EPHA7: variants seen among roughly 807,000 people sequenced by gnomAD.
EPHA7 encodes the protein EPH receptor A7, also known as ephrin type-A receptor 7.
EPHA7 carries 25 observed loss-of-function variants against 112.6 expected under a neutral mutation model. The observed-to-expected ratio is 0.22, with a 90% CI of 0.16 to 0.31. The LOEUF (loss-of-function observed/expected upper bound fraction) is 0.31, where lower values mean the gene tolerates loss of function less well. EPHA7 is among the 10% of genes least tolerant of loss of function. EPHA7 has a pLI of 1.00. For missense variants in EPHA7, 962 were observed against 1,212.6 expected, an observed-to-expected ratio of 0.79 and a Z score of 3.07; for synonymous variants, 437 against 406.5, an observed-to-expected ratio of 1.07 and a Z score of -0.90.
chr6:93,254,801 T>C lies in EPHA7; in HGVS notation c.2383-5A>G, dbSNP rs771276751. On this transcript the variant is annotated splice_region_variant and splice_polypyrimidine_tract_variant and intron_variant, in intron 13 of 16. Transcript: ENST00000369303. ...CCTTACTGGAATTTTTCCACCCTGT[T>C]ATAAAAAGAAATGAACATTTTAAAT... is the stretch of plus-strand genomic sequence containing the variant. 6 of 1,608,912 alleles carry C rather than the reference T, an allele frequency of 3.7e-6. No individual in the cohort carries two copies. Among genetic ancestry groups the C allele is most frequent in the Non-Finnish European group, 5.1e-6 (6 of 1,177,382 alleles).
chr6:93,262,267 C>T (rs374538659), intron 9 of EPHA7, among the ~76,000 whole-genome samples: 2 of 151,476 alleles, frequency 1.3e-5, no homozygotes, highest in African/African-American at 4.8e-5. Context: ...TCTCTATTTC[C>T]TCTAGCTATA....
chr6:93,361,525 T>C (rs1210673141), intron 3 of EPHA7, among the ~76,000 whole-genome samples: 1 of 152,014 alleles, frequency 6.6e-6, no homozygotes, highest in African/African-American at 2.4e-5. Context: ...TAAAGCAGGG[T>C]AAAGTGGCAT....
At chr6:93,279,803 G>A (rs1198212581) in intron 5 of EPHA7, among the ~76,000 whole-genome samples, 2 of 152,076 alleles carry the variant, frequency 1.3e-5, no homozygotes, top group African/African-American at 4.8e-5. Context: ...GATGAAAGAA[G>A]CATTTCTTTT....
intron 5 of EPHA7, among the ~76,000 whole-genome samples, chr6:93,289,710 T>C (rs1190342659): frequency 6.6e-6 from 1 of 152,214 alleles, no homozygotes; most frequent in African/African-American, 2.4e-5. Context: ...TTTAAACAAA[T>C]ATTCCAAATG....
rs376030930 is a variant in EPHA7 at position 93,259,304 on chromosome 6, C to T, written c.1924+50G>A. ...GCCTGTCATTATGATGTATGACTTT[C>T]GATCTTGGCTAAATGGAACAGCTGA... On this transcript the variant is annotated intron_variant, in intron 10 of 16. Coordinates refer to ENST00000369303, the MANE Select transcript of EPHA7 (RefSeq NM_004440.4). The T allele has an allele frequency of 6.8e-5, 109 of 1,603,376 alleles. 1 individual carries two copies. In the East Asian group the frequency reaches 8.3e-4, roughly 12 times the overall value.
Position 93,297,639 on chromosome 6 carries a change from T to C in EPHA7, c.1325-25217A>G, listed in dbSNP as rs556605055. Among the ~76,000 whole-genome samples, 267 of 152,222 alleles carry C rather than the reference T, an allele frequency of 1.8e-3. 1 individual carries two copies. The highest frequency in any genetic ancestry group is 6.2e-3 in the African/African-American group (259 of 41,556). ...TGAGAAATGGAAGGTTCTTTGTAAG[T>C]GCCAGTTGCCACTGGTTATTAAAAT... On this transcript the variant is annotated intron_variant, in intron 5 of 16. Coordinates refer to ENST00000369303, the MANE Select transcript of EPHA7 (RefSeq NM_004440.4).
intron 2 of EPHA7, among the ~76,000 whole-genome samples, chr6:93,413,588 A>T (rs557520901): frequency 6.6e-6 from 1 of 151,996 alleles, no homozygotes; most frequent in East Asian, 1.9e-4. Context: ...TGTTATATTC[A>T]TACCTCCAAC....
At chr6:93,282,884 C>T (rs931176297) in intron 5 of EPHA7, among the ~76,000 whole-genome samples, 7 of 152,278 alleles carry the variant, frequency 4.6e-5, no homozygotes, top group South Asian at 4.1e-4. Context: ...GAGCCTCCTC[C>T]GTCCCCCTCC....
intron 5 of EPHA7, among the ~76,000 whole-genome samples, chr6:93,319,323 G>A (rs164299): frequency 5.3e-5 from 8 of 151,818 alleles, no homozygotes; most frequent in Non-Finnish European, 1.2e-4. Context: ...ATAGAGATGA[G>A]TTTGGTAGCC....
chr6:93,372,953 A>G (rs1776873991), intron 3 of EPHA7, among the ~76,000 whole-genome samples: 1 of 152,034 alleles, frequency 6.6e-6, no homozygotes, highest in African/African-American at 2.4e-5. Context: ...CTAAAAGGAG[A>G]TGGAGAATTC....
chr6:93,309,731 A>G (rs1188050530), intron 5 of EPHA7, among the ~76,000 whole-genome samples: 1 of 152,178 alleles, frequency 6.6e-6, no homozygotes, highest in African/African-American at 2.4e-5. Flanking sequence ...TATACTTAAG[A>G]TCAACATATG....
intron 3 of EPHA7, among the ~76,000 whole-genome samples, chr6:93,360,386 G>A (rs1439978483): frequency 6.6e-6 from 1 of 152,098 alleles, no homozygotes; most frequent in Non-Finnish European, 1.5e-5. Flanking sequence ...CGCTGTCTGA[G>A]ACATTAAGGC....
At chr6:93,364,449 G>A (rs1044005827) in intron 3 of EPHA7, among the ~76,000 whole-genome samples, 62 of 151,456 alleles carry the variant, frequency 4.1e-4, no homozygotes, top group Non-Finnish European at 6.3e-4. Flanking sequence ...ACTTGAACCC[G>A]GGAGGTGAAG....
chr6:93,405,743 G>C (rs1778662626), intron 3 of EPHA7, among the ~76,000 whole-genome samples: 2 of 147,728 alleles, frequency 1.4e-5, no homozygotes, highest in South Asian at 4.3e-4. Flanking sequence ...TCCGGCATCT[G>C]AGCTACTAAC....
chr6:93,362,268 G>A lies in EPHA7; in HGVS notation c.833-3857C>T, dbSNP rs77966161. On this transcript the variant is annotated intron_variant, in intron 3 of 16. Transcript: ENST00000369303. ...ATACATGAAACTTCTATATACCAGA[G>A]TAATAGTATTATTTACTGCAATATA... Among the ~76,000 whole-genome samples, 1,267 of 151,990 alleles carry A rather than the reference G, an allele frequency of 8.3e-3. 17 individuals carry two copies. Among genetic ancestry groups the A allele is most frequent in the African/African-American group, 0.029 (1,205 of 41,484 alleles).
chr6:93,332,929 T>C (rs1350410135), intron 5 of EPHA7, among the ~76,000 whole-genome samples: 1 of 151,760 alleles, frequency 6.6e-6, no homozygotes. Context: ...TGCAGGTGTC[T>C]TATTGGTACA....
At chr6:93,372,917 C>T (rs1419949858) in intron 3 of EPHA7, among the ~76,000 whole-genome samples, 1 of 151,974 alleles carries the variant, frequency 6.6e-6, no homozygotes, top group Non-Finnish European at 1.5e-5. Context: ...ATTACTTCTT[C>T]CACTACCTTT....
At chr6:93,373,593 T>C (rs1776908911) in intron 3 of EPHA7, among the ~76,000 whole-genome samples, 1 of 152,102 alleles carries the variant, frequency 6.6e-6, no homozygotes, top group Non-Finnish European at 1.5e-5. Flanking sequence ...TTGTTTACCA[T>C]ATAGGATTAT....
chr6:93,324,079 AT>A (rs1199398402), intron 5 of EPHA7, among the ~76,000 whole-genome samples: 1 of 151,366 alleles, frequency 6.6e-6, no homozygotes, highest in African/African-American at 2.4e-5. Flanking sequence ...TATTTTTGAG[AT>A]TTTTCACCTA....
Sources: allele counts gnomAD v4.1 joint callset (sites outside exome capture counted in the v4.1 genomes callset), GRCh38; gene constraint gnomAD v4.1.1; transcripts MANE v1.5; gene names NCBI Gene and HGNC (gene_info 2026-07-23, HGNC 2026-07-21).